SLC35D2: variants seen among roughly 807,000 people sequenced by gnomAD.
The protein encoded by SLC35D2 is solute carrier family 35 member D2, also known as nucleotide sugar transporter SLC35D2.
Under a neutral mutation model 41.8 loss-of-function variants are expected in SLC35D2, and 43 were observed. The observed-to-expected ratio is 1.03, with a 90% CI of 0.81 to 1.33. The LOEUF (loss-of-function observed/expected upper bound fraction) is 1.33. SLC35D2 is among the 40% of genes most tolerant of loss of function. The probability of loss-of-function intolerance (pLI) is 0.00; values close to 1 mark genes in which losing one functional copy is unlikely to be tolerated. For synonymous variants in SLC35D2, 150 were observed against 163.9 expected (o/e 0.92, Z 0.65); for missense variants, 380 against 408.4 (o/e 0.93, Z 0.60).
intron 4 of SLC35D2, among the ~76,000 whole-genome samples, chr9:96,352,466 C>T (rs1022830035): frequency 3.3e-5 from 5 of 151,972 alleles, no homozygotes; most frequent in Admixed American, 6.5e-5. Flanking sequence ...AGATTACAGG[C>T]ATGCGCCACA....
intron 1 of SLC35D2, among the ~76,000 whole-genome samples, chr9:96,379,155 A>T (rs1226256739): frequency 6.6e-6 from 1 of 150,484 alleles, no homozygotes; most frequent in African/African-American, 2.4e-5. Context: ...AAAAATGCAA[A>T]AATTAGCCGG....
intron 3 of SLC35D2, 76 bp from the exon 4 acceptor site, chr9:96,360,297 A>T: frequency 8.8e-7 from 1 of 1,139,876 alleles, no homozygotes; most frequent in Non-Finnish European, 1.3e-6. Context: ...AAAAATGGTG[A>T]CAGATACTTC....
At chr9:96,319,418 G>A (rs1265990296), downstream of SLC35D2, among the ~76,000 whole-genome samples, 1 of 152,086 alleles carries the variant, frequency 6.6e-6, no homozygotes, top group Non-Finnish European at 1.5e-5. Context: ...GAGGTAGGTT[G>A]CACAATCAGT....
At chr9:96,382,497 T>A (rs13298802) in intron 1 of SLC35D2, among the ~76,000 whole-genome samples, 52 of 68,136 alleles carry the variant, frequency 7.6e-4, no homozygotes, top group African/African-American at 2.1e-3. Flanking sequence ...ACACACACAC[T>A]ATATATATAT....
In SLC35D2 at chr9:96,354,424, C is replaced by T. The variant is rs575132134; in HGVS notation, c.348-2315G>A. Reference sequence around the variant, plus strand: ...TCAAGCAAACAGGCAGGAAACAAAACGAATATACAAAAGTCAACTCTGAAT... The same window carrying T: ...TCAAGCAAACAGGCAGGAAACAAAATGAATATACAAAAGTCAACTCTGAAT... On this transcript the variant is annotated intron_variant, in intron 4 of 11. Coordinates refer to ENST00000253270, the MANE Select transcript of SLC35D2 (RefSeq NM_007001.3). 5.0e-4 allele frequency among the ~76,000 whole-genome samples: 76 copies of T among 152,184 alleles called. 2 individuals are homozygous for T. In the South Asian group the frequency reaches 0.014, roughly 27 times the overall value.
At chr9:96,357,683 T>C (rs938693757) in intron 4 of SLC35D2, 4 of 152,074 alleles carry the variant, frequency 2.6e-5, no homozygotes, top group Non-Finnish European at 4.4e-5. Flanking sequence ...AAGCCTTAGA[T>C]AAAACATCAA....
At chr9:96,368,930 A>G (rs1410304952) in intron 1 of SLC35D2, among the ~76,000 whole-genome samples, 1 of 151,850 alleles carries the variant, frequency 6.6e-6, no homozygotes, top group African/African-American at 2.4e-5. Flanking sequence ...ATGCCCGGTT[A>G]ATTTTTGTAT....
intron 4 of SLC35D2, among the ~76,000 whole-genome samples, chr9:96,352,509 A>G (rs1265873428): frequency 1.3e-5 from 2 of 151,848 alleles, no homozygotes; most frequent in Non-Finnish European, 2.9e-5. Flanking sequence ...TTCAGAAGAG[A>G]CAGAGTTTTG....
chr9:96,375,927 G>A (rs895318669), intron 1 of SLC35D2, among the ~76,000 whole-genome samples: 86 of 151,184 alleles, frequency 5.7e-4, no homozygotes, highest in Admixed American at 1.3e-3. Context: ...TTGGGAGGCC[G>A]AGGCAGGTGG....
chr9:96,351,846 G>A (rs1157283810), intron 5 of SLC35D2, among the ~76,000 whole-genome samples, 192 bp downstream of exon 5: 1 of 151,892 alleles, frequency 6.6e-6, no homozygotes, highest in African/African-American at 2.4e-5. Context: ...ATTTGTCTAT[G>A]GTAAAATTAC....
chr9:96,333,780 TA>T (rs1345798854), intron 9 of SLC35D2, among the ~76,000 whole-genome samples: 1 of 151,988 alleles, frequency 6.6e-6, no homozygotes, highest in African/African-American at 2.4e-5. Flanking sequence ...AAGTGCATGT[TA>T]AAAACAAAAA....
intron 9 of SLC35D2, among the ~76,000 whole-genome samples, chr9:96,333,131 T>G (rs1828885522): frequency 6.6e-6 from 1 of 150,928 alleles, no homozygotes; most frequent in African/African-American, 2.4e-5. Context: ...TCTCCTGACC[T>G]CATGATCTGC....
At chr9:96,381,371 C>T (rs566594466) in intron 1 of SLC35D2, among the ~76,000 whole-genome samples, 1 of 152,346 alleles carries the variant, frequency 6.6e-6, no homozygotes, top group South Asian at 2.1e-4. Flanking sequence ...AGGCCCCACA[C>T]AGGCCAGCAA....
At chr9:96,370,349 T>C (rs1456661764) in intron 1 of SLC35D2, among the ~76,000 whole-genome samples, 1 of 151,840 alleles carries the variant, frequency 6.6e-6, no homozygotes, top group African/African-American at 2.4e-5. Context: ...AAACAAACAG[T>C]AAAACAACAA....
At chr9:96,336,641 G>T in intron 9 of SLC35D2, 76 bp downstream of exon 9, 1 of 873,438 alleles carries the variant, frequency 1.1e-6, no homozygotes, top group Non-Finnish European at 1.8e-6. Flanking sequence ...TGACAGAATA[G>T]ACAGAAGGCA....
chr9:96,367,491 T>C (rs1046660884), intron 2 of SLC35D2, among the ~76,000 whole-genome samples: 1 of 152,056 alleles, frequency 6.6e-6, no homozygotes, highest in African/African-American at 2.4e-5. Context: ...TGGGCGTAGT[T>C]TGAAAGCTTA....
intron 3 of SLC35D2, among the ~76,000 whole-genome samples, chr9:96,360,721 C>T (rs965684545): frequency 2.7e-5 from 4 of 150,626 alleles, no homozygotes; most frequent in African/African-American, 9.8e-5. Flanking sequence ...TGTCACGACA[C>T]ACCCATCAGA....
At chr9:96,366,229 G>A (rs557188410) in intron 2 of SLC35D2, among the ~76,000 whole-genome samples, 34 of 150,712 alleles carry the variant, frequency 2.3e-4, no homozygotes, top group Non-Finnish European at 4.0e-4. Flanking sequence ...TTGAGCCCAG[G>A]AGGTGAAGGG....
chr9:96,358,391 A>AT (rs1554715458), intron 4 of SLC35D2, among the ~76,000 whole-genome samples: 1 of 152,112 alleles, frequency 6.6e-6, no homozygotes, highest in African/African-American at 2.4e-5. Flanking sequence ...AAGAAAAAAA[A>AT]TGATTGTGAA....
Sources: gnomAD v4.1 joint callset for allele counts (sites outside exome capture counted in the v4.1 genomes callset) on GRCh38, gnomAD v4.1.1 for gene constraint, MANE v1.5 for transcripts, NCBI Gene and HGNC (gene_info 2026-07-23, HGNC 2026-07-21) for gene names.